Variants in CROCC observed in about 807,000 individuals in gnomAD.
CROCC encodes ciliary rootlet coiled-coil, rootletin.
In CROCC, 180 loss-of-function variants were observed where a neutral mutation model predicts 245.2. That is an observed-to-expected ratio of 0.73 (90% CI 0.65 to 0.83). The LOEUF is 0.83. Among genes scored for constraint, CROCC ranks in the 40% least tolerant of loss-of-function variants. The probability of loss-of-function intolerance (pLI) is 0.00; values close to 1 mark genes in which losing one functional copy is unlikely to be tolerated. For synonymous variants in CROCC, 1,205 were observed against 1,241.6 expected, an observed-to-expected ratio of 0.97 and a Z score of 0.62; for missense variants, 2,688 against 2,779.4, an observed-to-expected ratio of 0.97 and a Z score of 0.74.
At chr1:16,964,707 G>A (rs529430811) in intron 27 of CROCC, among the ~76,000 whole-genome samples, 3 of 150,624 alleles carry the variant, frequency 2.0e-5, no homozygotes, top group East Asian at 2.0e-4. Flanking sequence ...TTTTTGAGAC[G>A]GAGTCTCGCT....
chr1:16,931,494 TAC>T, intron 8 of CROCC, 97 bp downstream of exon 8: 1 of 1,191,186 alleles, frequency 8.4e-7, no homozygotes, highest in Non-Finnish European at 1.2e-6. Flanking sequence ...TCAACGCACT[TAC>T]TGTGCACAAG....
At chr1:16,914,699 G>A (rs1447759318) in intron 1 of CROCC, among the ~76,000 whole-genome samples, 4 of 152,254 alleles carry the variant, frequency 2.6e-5, no homozygotes, top group Non-Finnish European at 5.9e-5. Context: ...CTCACCATGC[G>A]GCCTCAGGCC....
At chr1:16,928,740 T>G (rs2075593992) in intron 3 of CROCC, among the ~76,000 whole-genome samples, 1 of 151,082 alleles carries the variant, frequency 6.6e-6, no homozygotes, top group Non-Finnish European at 1.5e-5. Context: ...GAGGTGTAGG[T>G]TGCAGTGATC....
At position 16,936,691 on chromosome 1, in the gene CROCC, G is replaced by A. The variant is rs763480633; in HGVS notation, c.1011G>A (p.Glu337=). The change falls in exon 9 of 37, where the codon GAG becomes GAA. Residue 337 remains glutamate, a synonymous_variant. Coordinates refer to ENST00000375541, the MANE Select transcript of CROCC (RefSeq NM_014675.5). ...CCCGGACATCACGAGCTGTCCAGGA[G>A]GCGGGCCTGGGACTGAGCACGGGCC... is the stretch of plus-strand genomic sequence containing the variant. The part of the protein sequence containing the change: ...ELARTSRAVQ[E]AGLGLSTGLR... 5.6e-6 allele frequency: 9 copies of A among 1,603,146 alleles called. No individual in the cohort carries two copies. Among genetic ancestry groups the A allele is most frequent in the Non-Finnish European group, 6.8e-6 (8 of 1,175,640 alleles).
rs377055242 is a variant in CROCC at position 16,966,168 on chromosome 1, G to A, written c.4696+49G>A. On this transcript the variant is annotated intron_variant, in intron 29 of 36. Coordinates refer to ENST00000375541, the MANE Select transcript of CROCC (RefSeq NM_014675.5). This position sits in a 1 kb window ranked among gnomAD's most constrained non-coding sequence, Gnocchi z 4.8. The stretch of plus-strand genomic sequence containing the variant: ...TGTTCTCTCTCCTGTGTTTTGGGCA[G>A]TTGAGGCAGGAGCCGGGGGATTGGC... 127 of 1,571,382 alleles carry A rather than the reference G, an allele frequency of 8.1e-5. No individual in the cohort carries two copies. The highest frequency in any genetic ancestry group is 1.4e-4 in the Admixed American group (8 of 57,412).
intron 20 of CROCC, chr1:16,952,060 T>A (rs2076170351): frequency 6.6e-6 from 1 of 151,870 alleles, no homozygotes; most frequent in Non-Finnish European, 1.5e-5. Flanking sequence ...TGGCTAATTT[T>A]TGCATTTTTA....
chr1:16,948,253 G>A, intron 17 of CROCC, 78 bp from the exon 18 acceptor site: 3 of 1,458,338 alleles, frequency 2.1e-6, no homozygotes, highest in Non-Finnish European at 2.7e-6. Context: ...GACTGGGTTA[G>A]GCCCAGAGTT....
In CROCC at chr1:16,964,678, C is replaced by T. The variant is rs149979918; in HGVS notation, c.4406-1045C>T. ...GATTACAGGTGTGAGCCACTGCTCC[C>T]AGTCTTTTCTTTCTTCTTTTTTTGA... is the stretch of plus-strand genomic sequence containing the variant. On this transcript the variant is annotated intron_variant, in intron 27 of 36. Transcript: ENST00000375541. 2.7e-3 allele frequency among the ~76,000 whole-genome samples: 415 copies of T among 152,074 alleles called. 1 individual carries two copies. Among genetic ancestry groups the T allele is most frequent in the African/African-American group, 9.6e-3 (398 of 41,456 alleles).
Position 16,961,062 on chromosome 1 carries a change from T to A in CROCC, c.4337T>A (p.Leu1446His). ...TCGGCTCTGCGCCGGGGCCTCGGCC[T>A]CGGTCGCGCGCCCAGCCCAGCCCCG... is the stretch of plus-strand genomic sequence containing the variant. Reference protein sequence around the residue: ...LRSALRRGLGLGRAPSPAPRP... With the variant: ...LRSALRRGLGHGRAPSPAPRP... The change falls in exon 27 of 37, where the codon CTC (leucine) becomes CAC (histidine). Residue 1446 changes from leucine (L) to histidine (H), a missense_variant. Physicochemically the swap from Leu to His is moderately conservative, Grantham distance 99. This residue lies in a region of CROCC where 1,218 missense variants were observed against 1,286.3 expected (regional missense o/e 0.95). Coordinates refer to ENST00000375541, the MANE Select transcript of CROCC (RefSeq NM_014675.5). 7.5e-7 allele frequency: 1 copy of A among 1,337,812 alleles called. No homozygotes were observed. Among genetic ancestry groups the A allele is most frequent in the South Asian group, 1.9e-5 (1 of 52,874 alleles). The allele number at this position is 1,337,812 out of a possible 1,614,324, so 82.9% of individuals were successfully genotyped here. A position where few individuals can be genotyped will look rare whatever the true frequency, so the allele number is the denominator to read the frequency against.
In CROCC at chr1:16,966,306, C is replaced by G; in HGVS notation, c.4697-102C>G. The G allele has an allele frequency of 1.4e-6, 2 of 1,436,120 alleles. No homozygotes were observed. The highest frequency in any genetic ancestry group is 1.8e-6 in the Non-Finnish European group (2 of 1,086,424). 89.0% of individuals were successfully genotyped at this position (1,436,120 alleles called of 1,614,324 possible). A position where few individuals can be genotyped will look rare whatever the true frequency, so the allele number is the denominator to read the frequency against. ...GCATACTACGAAGGGTGCAGACAGT[C>G]TGGCCCTGCACTGGGTGGAGTGCAG... On this transcript the variant is annotated intron_variant, in intron 29 of 36. Coordinates refer to ENST00000375541, the MANE Select transcript of CROCC (RefSeq NM_014675.5). The surrounding 1 kb of genome is among the most constrained non-coding windows in gnomAD (Gnocchi z 4.8).
Position 16,924,417 on chromosome 1 carries a change from C to T in CROCC, c.289C>T (p.Leu97=), listed in dbSNP as rs1366734888. The T allele has an allele frequency of 3.7e-6, 6 of 1,613,204 alleles. No individual in the cohort carries two copies. Among genetic ancestry groups the T allele is most frequent in the African/African-American group, 1.3e-5 (1 of 74,960 alleles). Reference sequence around the variant, plus strand: ...GGAGCTGTCCCGCGTGGAGGACCTGCTGGCCCAGAGCCGTGCCGAGCGCGA... The same window carrying T: ...GGAGCTGTCCCGCGTGGAGGACCTGTTGGCCCAGAGCCGTGCCGAGCGCGA... ...QQELSRVEDL[L]AQSRAERDEL... is the part of the protein sequence containing the mutation. Residue 97 remains leucine (L), a synonymous_variant, in exon 3 of 37, where the codon CTG becomes TTG. Coordinates refer to ENST00000375541, the MANE Select transcript of CROCC (RefSeq NM_014675.5).
In CROCC at chr1:16,970,260, G is replaced by A. The variant is rs199552090; in HGVS notation, c.5459G>A (p.Arg1820Gln). Reference sequence around the variant, plus strand: ...GCCTGGCTTCTGTTGCAGGTGCTGCGGCAGCGGCAGGAGGGTGAGGCTGCA... The same window carrying A: ...GCCTGGCTTCTGTTGCAGGTGCTGCAGCAGCGGCAGGAGGGTGAGGCTGCA... ...GQLQQLREVL[R>Q]QRQEGEAAAL... Residue 1820 changes from arginine to glutamine, a missense_variant, in exon 34 of 37, where the codon CGG (arginine) becomes CAG (glutamine). Physicochemically the swap from Arg to Gln is conservative, Grantham distance 43. This residue lies in a region of CROCC where 1,218 missense variants were observed against 1,286.3 expected (regional missense o/e 0.95). Coordinates refer to ENST00000375541, the MANE Select transcript of CROCC (RefSeq NM_014675.5). The A allele has an allele frequency of 1.7e-4, 261 of 1,554,976 alleles. No individual in the cohort carries two copies. In the African/African-American group the frequency reaches 3.0e-3, roughly 18 times the overall value.
intron 2 of CROCC, among the ~76,000 whole-genome samples, chr1:16,923,374 C>T (rs1216196973): frequency 6.6e-6 from 1 of 152,264 alleles, no homozygotes. Flanking sequence ...GGGCCCCCTC[C>T]TTGGGAGCGC....
intron 3 of CROCC, among the ~76,000 whole-genome samples, chr1:16,927,637 C>A (rs2075565455): frequency 6.6e-6 from 1 of 152,296 alleles, no homozygotes; most frequent in South Asian, 2.1e-4. Flanking sequence ...CACACAGTGT[C>A]CTGCGTGGAG....
At chr1:16,918,568 C>CA (rs1156338958), upstream of CROCC, among the ~76,000 whole-genome samples, 3 of 152,166 alleles carry the variant, frequency 2.0e-5, no homozygotes, top group Non-Finnish European at 4.4e-5. Flanking sequence ...CTGAGCTGGG[C>CA]ATGCAGGGCT....
At position 16,944,112 on chromosome 1, in the gene CROCC, C is replaced by T. The variant is rs370029062; in HGVS notation, c.1821C>T (p.Asn607=). ...ANELLSREKS[N]LAHSLQVAQQ... is the part of the protein sequence containing the mutation. Reference sequence around the variant, plus strand: ...CCTTGTCCTGAAGGGAGAAGAGCAACCTGGCCCACAGCCTGCAGGTGGCCC... The same window carrying T: ...CCTTGTCCTGAAGGGAGAAGAGCAATCTGGCCCACAGCCTGCAGGTGGCCC... The change falls in exon 14 of 37, where the codon AAC becomes AAT. Residue 607 remains asparagine, a synonymous_variant. Transcript: ENST00000375541. 17 of 1,555,540 alleles carry T rather than the reference C, an allele frequency of 1.1e-5. No homozygotes were observed. Among genetic ancestry groups the T allele is most frequent in the South Asian group, 9.5e-5 (8 of 83,868 alleles).
chr1:16,955,472 C>T lies in CROCC; in HGVS notation c.3626C>T (p.Ala1209Val). The change falls in exon 24 of 37, where the codon GCC (alanine) becomes GTC (valine). Residue 1209 changes from alanine (A) to valine (V), a missense_variant. Transcript: ENST00000375541. ...GELRRSLGEGAKEREALRRSN... is the reference protein window; with the variant it reads ...GELRRSLGEGVKEREALRRSN... ...CTGCGACGCAGCCTGGGCGAGGGTGCCAAGGAGCGCGAGGCCCTGCGGCGT... is the reference window on the plus strand; with the variant it reads ...CTGCGACGCAGCCTGGGCGAGGGTGTCAAGGAGCGCGAGGCCCTGCGGCGT... The T allele has an allele frequency of 6.3e-7, 1 of 1,587,650 alleles. No individual in the cohort carries two copies. The highest frequency in any genetic ancestry group is 1.1e-5 in the South Asian group (1 of 88,624).
At chr1:16,946,545 T>C (rs2076051121) in intron 16 of CROCC, 140 bp downstream of exon 16, 1 of 1,300,084 alleles carries the variant, frequency 7.7e-7, no homozygotes, top group Non-Finnish European at 1.1e-6. Flanking sequence ...TCTGGTTCTC[T>C]GTCTGTCTGT....
rs369379898 is a variant in CROCC at position 16,940,052 on chromosome 1, C to T, written c.1767C>T (p.Arg589=). The T allele has an allele frequency of 1.6e-5, 26 of 1,609,718 alleles. No individual in the cohort carries two copies. The highest frequency in any genetic ancestry group is 1.3e-4 in the Admixed American group (8 of 59,826). The part of the protein sequence containing the change: ...GAMQAHEDAQ[R]EVQRLRSANE... ...TGCAGGCCCACGAGGACGCCCAGCGCGAGGTGCAGCGGCTGCGGAGCGCCA... is the reference window on the plus strand; with the variant it reads ...TGCAGGCCCACGAGGACGCCCAGCGTGAGGTGCAGCGGCTGCGGAGCGCCA... The change falls in exon 13 of 37, where the codon CGC becomes CGT. Residue 589 remains arginine (R), a synonymous_variant. Coordinates refer to ENST00000375541, the MANE Select transcript of CROCC (RefSeq NM_014675.5).
Sources: allele counts gnomAD v4.1 joint callset (sites outside exome capture counted in the v4.1 genomes callset), GRCh38; gene constraint gnomAD v4.1.1; regional missense constraint gnomAD v4.1.1; non-coding constraint Gnocchi (gnomAD v3.1); transcripts MANE v1.5; gene names NCBI Gene and HGNC (gene_info 2026-07-23, HGNC 2026-07-21).